The following TRAM2 variants were observed in gnomAD, a reference collection of about 807,000 sequenced individuals.
TRAM2 encodes translocation associated membrane protein 2, also known as translocating chain-associated membrane protein 2.
Under a neutral mutation model 51.0 loss-of-function variants are expected in TRAM2, and 12 were observed. The ratio of observed to expected loss-of-function variants is 0.24; its 90% CI spans 0.15 to 0.38. TRAM2 has a LOEUF of 0.38. Ranked by LOEUF, TRAM2 falls within the 10% of genes least tolerant of loss-of-function variation. The probability of loss-of-function intolerance (pLI) is 1.00; values close to 1 mark genes in which losing one functional copy is unlikely to be tolerated. For missense variants in TRAM2, 361 were observed against 462.0 expected (o/e 0.78, Z 2.00); for synonymous variants, 175 against 179.4 (o/e 0.98, Z 0.20).
chr6:52,522,614 A>G (rs1766698305), intron 2 of TRAM2, among the ~76,000 whole-genome samples: 1 of 152,198 alleles, frequency 6.6e-6, no homozygotes, highest in African/African-American at 2.4e-5. Flanking sequence ...GAGTACGCCA[A>G]TATGCTCTAG....
intron 1 of TRAM2, 66 bp downstream of exon 1, chr6:52,576,730 G>T: frequency 6.3e-7 from 1 of 1,574,932 alleles, no homozygotes; most frequent in East Asian, 2.3e-5. Flanking sequence ...TGACCTGCAG[G>T]GGTGTGCCGG....
chr6:52,509,657 C>G, intron 4 of TRAM2, 71 bp from the exon 5 acceptor site: 2 of 1,440,784 alleles, frequency 1.4e-6, no homozygotes, highest in South Asian at 1.2e-5. Context: ...GGGACCGGTC[C>G]AGGGGTCAGG....
intron 1 of TRAM2, among the ~76,000 whole-genome samples, chr6:52,547,071 T>G (rs1394970966): frequency 6.6e-6 from 1 of 150,942 alleles, no homozygotes; most frequent in Non-Finnish European, 1.5e-5. Context: ...GGAGTGGGAG[T>G]GTGGAGACAG....
At chr6:52,565,652 A>C (rs1038405705) in intron 1 of TRAM2, among the ~76,000 whole-genome samples, 1 of 152,226 alleles carries the variant, frequency 6.6e-6, no homozygotes, top group Non-Finnish European at 1.5e-5. Context: ...ACAGCACACA[A>C]TGGATCCACC....
chr6:52,519,463 A>G (rs962774357), intron 2 of TRAM2, among the ~76,000 whole-genome samples: 1 of 152,260 alleles, frequency 6.6e-6, no homozygotes, highest in African/African-American at 2.4e-5. Flanking sequence ...ACAATGAGGA[A>G]AAAACAAACA....
chr6:52,539,523 A>G (rs1767040042), intron 1 of TRAM2, among the ~76,000 whole-genome samples: 1 of 151,240 alleles, frequency 6.6e-6, no homozygotes, highest in Non-Finnish European at 1.5e-5. Flanking sequence ...AACTGTATTC[A>G]GGTATAATTT....
intron 4 of TRAM2, among the ~76,000 whole-genome samples, chr6:52,515,672 G>C (rs1581872190): frequency 6.6e-6 from 1 of 152,154 alleles, no homozygotes; most frequent in South Asian, 2.1e-4. Flanking sequence ...GTATCTTATG[G>C]GACAGTGTTT....
chr6:52,565,451 C>T (rs1202152409), intron 1 of TRAM2, among the ~76,000 whole-genome samples: 1 of 152,142 alleles, frequency 6.6e-6, no homozygotes, highest in Non-Finnish European at 1.5e-5. Flanking sequence ...TGTTGAATTT[C>T]CCTCTCCTAG....
At chr6:52,518,102 G>A (rs999906701) in intron 2 of TRAM2, among the ~76,000 whole-genome samples, 1 of 152,226 alleles carries the variant, frequency 6.6e-6, no homozygotes, top group Admixed American at 6.5e-5. Context: ...ACAGATGTAC[G>A]ATTACACTAC....
chr6:52,577,006 C>CGGCCCGCCGCCCGCT lies in TRAM2; in HGVS notation c.-106_-92dup. 7.7e-7 allele frequency: 1 copy of CGGCCCGCCGCCCGCT among 1,306,822 alleles called. No individual in the cohort carries two copies. The highest frequency in any genetic ancestry group is 9.7e-7 in the Non-Finnish European group (1 of 1,030,320). 81.0% of individuals were successfully genotyped at this position (1,306,822 alleles called of 1,614,324 possible). A position where few individuals can be genotyped will look rare whatever the true frequency, so the allele number is the denominator to read the frequency against. On this transcript the variant is annotated 5_prime_UTR_variant, in exon 1 of 11. Transcript: ENST00000182527. ...TCCAGCACCGGCCCGGTCCGCCCGCCGGCCCGCCGCCCGCTCTCCCACAGC... is the reference window on the plus strand; with the variant it reads ...TCCAGCACCGGCCCGGTCCGCCCGCCGGCCCGCCGCCCGCTGGCCCGCCGCCCGCTCTCCCACAGC...
At chr6:52,576,172 G>A (rs6928665) in intron 1 of TRAM2, among the ~76,000 whole-genome samples, 29,448 of 152,096 alleles carry the variant, frequency 0.19, 2,916 homozygotes, top group Non-Finnish European at 0.21. Flanking sequence ...TTCACGGAGT[G>A]GTAAAGGATA....
rs571204477 is a variant in TRAM2, at chr6:52,550,545, T to A, written c.121-14699A>T. On this transcript the variant is annotated intron_variant, in intron 1 of 10. Transcript: ENST00000182527. ...AACTGCTGGCAATGGGACACTATTTTTATTTTTTATTTTTATTTTTTTTGC... is the reference window on the plus strand; with the variant it reads ...AACTGCTGGCAATGGGACACTATTTATATTTTTTATTTTTATTTTTTTTGC... 7.2e-5 allele frequency among the ~76,000 whole-genome samples: 11 copies of A among 152,226 alleles called. No homozygotes were observed. In the East Asian group the frequency reaches 2.1e-3, roughly 29 times the overall value.
intron 1 of TRAM2, among the ~76,000 whole-genome samples, chr6:52,543,841 G>A (rs1159747131): frequency 6.6e-6 from 1 of 152,150 alleles, no homozygotes; most frequent in African/African-American, 2.4e-5. Flanking sequence ...GGCATTTCCT[G>A]GTATTCAGGG....
chr6:52,538,477 G>A (rs2114088594), intron 1 of TRAM2, among the ~76,000 whole-genome samples: 1 of 152,286 alleles, frequency 6.6e-6, no homozygotes, highest in South Asian at 2.1e-4. Flanking sequence ...CTGGGCTCTG[G>A]GTCTTGGGCG....
chr6:52,571,206 C>G (rs1198194651), intron 1 of TRAM2, among the ~76,000 whole-genome samples: 1 of 152,238 alleles, frequency 6.6e-6, no homozygotes, highest in East Asian at 1.9e-4. Context: ...TTAGAAAGCA[C>G]TTCTGTCATT....
rs77489429 is a variant in TRAM2 at position 52,514,780 on chromosome 6, C to T, written c.411+1226G>A. On this transcript the variant is annotated intron_variant, in intron 4 of 10. Coordinates refer to ENST00000182527, the MANE Select transcript of TRAM2 (RefSeq NM_012288.4). ...TCTGCTTCAAAGCAGCTTAGGCCTC[C>T]GGGGGTGGGCATGAACTGAACGTCA... 4.4e-3 allele frequency among the ~76,000 whole-genome samples: 666 copies of T among 152,210 alleles called. 6 individuals carry two copies. Among genetic ancestry groups the T allele is most frequent in the African/African-American group, 0.015 (624 of 41,536 alleles).
intron 1 of TRAM2, among the ~76,000 whole-genome samples, chr6:52,570,597 A>G (rs972948018): frequency 2.5e-4 from 38 of 152,052 alleles, no homozygotes; most frequent in African/African-American, 8.9e-4. Context: ...ACCCCCATAA[A>G]CCATCCCGAT....
intron 1 of TRAM2, among the ~76,000 whole-genome samples, chr6:52,569,621 G>A (rs1182259077): frequency 6.6e-6 from 1 of 151,714 alleles, no homozygotes; most frequent in Non-Finnish European, 1.5e-5. Context: ...TCCATCAACA[G>A]CAATGGCTCG....
At chr6:52,507,086 A>C (rs1766363452) in intron 7 of TRAM2, among the ~76,000 whole-genome samples, 1 of 152,228 alleles carries the variant, frequency 6.6e-6, no homozygotes, top group Non-Finnish European at 1.5e-5. Flanking sequence ...TGCCTCTAGA[A>C]CAACCAAGAG....
Sources: allele counts gnomAD v4.1 joint callset (sites outside exome capture counted in the v4.1 genomes callset), GRCh38; gene constraint gnomAD v4.1.1; transcripts MANE v1.5; gene names NCBI Gene and HGNC (gene_info 2026-07-23, HGNC 2026-07-21).